Variants in RBFOX1 observed in about 807,000 individuals in gnomAD.
The protein encoded by RBFOX1 is RNA binding protein fox-1 homolog 1.
RBFOX1 carries 8 observed loss-of-function variants against 57.7 expected under a neutral mutation model. The observed-to-expected ratio is 0.14, with a 90% CI of 0.08 to 0.25. RBFOX1 has a LOEUF of 0.25. Ranked by LOEUF, RBFOX1 falls within the 10% of genes least tolerant of loss-of-function variation. The pLI, the probability that RBFOX1 is intolerant of heterozygous loss-of-function variation, is 1.00. For missense variants in RBFOX1, 611 were observed against 548.5 expected (o/e 1.11, Z -1.14); for synonymous variants, 326 against 222.4 (o/e 1.47, Z -4.15).
chr16:7,442,119 G>T (rs966676164), intron 4 of RBFOX1, among the ~76,000 whole-genome samples: 6 of 152,164 alleles, frequency 3.9e-5, no homozygotes, highest in African/African-American at 1.4e-4. Flanking sequence ...GTGCCCAGGG[G>T]TCTGAGTGCT....
At position 5,454,944 on chromosome 16, in the gene RBFOX1, TTCCTTC is replaced by T. The variant is rs1567535729; in HGVS notation, c.220-12271_220-12266del. On this transcript the variant is annotated intron_variant, in intron 1 of 2. Transcript: ENST00000585867. ...GTTTCTTTCTTCCTTCCTTCCTTCCTTCCTTCCTTCCTTCCTTTCTTTCTTTCTTTC... is the reference window on the plus strand; with the variant it reads ...GTTTCTTTCTTCCTTCCTTCCTTCCTCTTCCTTCCTTTCTTTCTTTCTTTC... Among the ~76,000 whole-genome samples, 215 of 52,552 alleles carry T rather than the reference TTCCTTC, an allele frequency of 4.1e-3. 1 individual carries two copies. Among genetic ancestry groups the T allele is most frequent in the Middle Eastern group, 8.2e-3 (1 of 122 alleles). 34.5% of individuals were successfully genotyped at this position (52,552 alleles called of 152,430 possible).
chr16:5,248,394 G>A (rs1435885678), intron 1 of RBFOX1, among the ~76,000 whole-genome samples: 5 of 152,208 alleles, frequency 3.3e-5, no homozygotes, highest in Admixed American at 2.6e-4. Flanking sequence ...CAGTCCTCCT[G>A]ACTGCCAGCC....
At chr16:6,493,212 G>A (rs1467648739) in intron 2 of RBFOX1, among the ~76,000 whole-genome samples, 5 of 152,184 alleles carry the variant, frequency 3.3e-5, no homozygotes, top group Admixed American at 6.5e-5. Context: ...TTGAGCCTTA[G>A]AAAAGATAAA....
At chr16:6,179,416 G>A (rs575569724) in intron 1 of RBFOX1, among the ~76,000 whole-genome samples, 10 of 152,224 alleles carry the variant, frequency 6.6e-5, no homozygotes, top group East Asian at 3.9e-4. Flanking sequence ...AATTCTGATC[G>A]TAGAAAAACT....
chr16:5,870,373 CAA>C (rs59398844), intron 4 of RBFOX1, among the ~76,000 whole-genome samples: 4,091 of 91,074 alleles, frequency 0.045, 66 homozygotes, highest in Non-Finnish European at 0.056. Flanking sequence ...ATTTGTATGG[CAA>C]AAAAAAAAAA....
At chr16:7,039,434 G>A (rs1053674175) in intron 3 of RBFOX1, among the ~76,000 whole-genome samples, 2 of 152,132 alleles carry the variant, frequency 1.3e-5, no homozygotes, top group African/African-American at 2.4e-5. Context: ...TTTCTCAAGT[G>A]TATTTTGTTC....
chr16:7,189,368 G>C (rs570861793), intron 4 of RBFOX1, among the ~76,000 whole-genome samples: 1 of 145,758 alleles, frequency 6.9e-6, no homozygotes, highest in East Asian at 2.2e-4. Flanking sequence ...GGAGCTTGCA[G>C]TGAGCTGAGA....
intron 1 of RBFOX1, among the ~76,000 whole-genome samples, chr16:5,409,039 A>T (rs55806473): frequency 0.3 from 45,145 of 151,880 alleles, 6,697 homozygotes; most frequent in South Asian, 0.31. Context: ...TGGCTATCTC[A>T]CGCTGTTGGA....
chr16:7,160,836 T>TTCCTCC (rs56757825), intron 4 of RBFOX1, among the ~76,000 whole-genome samples: 3 of 143,926 alleles, frequency 2.1e-5, no homozygotes, highest in Non-Finnish European at 4.6e-5. Flanking sequence ...TCCCTCCTCC[T>TTCCTCC]TCCTCCTCCT....
intron 3 of RBFOX1, among the ~76,000 whole-genome samples, chr16:5,687,658 C>T (rs1169355338): frequency 2.0e-5 from 3 of 152,146 alleles, no homozygotes; most frequent in African/African-American, 7.2e-5. Context: ...CCTAGGGTGA[C>T]CGACCATTCC....
At chr16:6,285,632 T>A (rs1398851627) in intron 1 of RBFOX1, among the ~76,000 whole-genome samples, 1 of 152,178 alleles carries the variant, frequency 6.6e-6, no homozygotes, top group East Asian at 1.9e-4. Context: ...TTTTAGGATG[T>A]AAATGACCAT....
intron 1 of RBFOX1, among the ~76,000 whole-genome samples, chr16:5,375,667 T>C (rs2065966934): frequency 6.6e-6 from 1 of 152,228 alleles, no homozygotes; most frequent in Admixed American, 6.5e-5. Context: ...ACCAACTATG[T>C]GCCAGGCACT....
chr16:6,197,033 C>T (rs959162317), intron 1 of RBFOX1, among the ~76,000 whole-genome samples: 3 of 152,078 alleles, frequency 2.0e-5, no homozygotes, highest in Non-Finnish European at 4.4e-5. Context: ...TAATTGCTGT[C>T]CTCAGATATA....
chr16:7,298,967 T>C (rs2095965410), intron 4 of RBFOX1, among the ~76,000 whole-genome samples: 1 of 152,228 alleles, frequency 6.6e-6, no homozygotes, highest in African/African-American at 2.4e-5. Context: ...GAGTCAACTG[T>C]ATTTGCTTTT....
At chr16:5,622,707 A>G (rs1444629791) in intron 3 of RBFOX1, among the ~76,000 whole-genome samples, 1 of 152,340 alleles carries the variant, frequency 6.6e-6, no homozygotes, top group Non-Finnish European at 1.5e-5. Flanking sequence ...TCCTGCTACA[A>G]TATCAGAGCT....
At chr16:7,506,955 AG>A (rs2073531137) in intron 4 of RBFOX1, among the ~76,000 whole-genome samples, 2 of 152,232 alleles carry the variant, frequency 1.3e-5, no homozygotes, top group Non-Finnish European at 2.9e-5. Flanking sequence ...ATGTGCATAC[AG>A]GACTTTCTAG....
At chr16:6,106,760 C>G (rs542861320) in intron 1 of RBFOX1, among the ~76,000 whole-genome samples, 2 of 152,082 alleles carry the variant, frequency 1.3e-5, no homozygotes, top group Admixed American at 1.3e-4. Flanking sequence ...CTCTGCCTCC[C>G]GGGTTCATGC....
At chr16:5,944,987 A>AAAAAAAAAAG (rs1555453186) in intron 4 of RBFOX1, among the ~76,000 whole-genome samples, 1 of 97,000 alleles carries the variant, frequency 1.0e-5, no homozygotes, top group Non-Finnish European at 2.2e-5. Context: ...AAAAAAAAAA[A>AAAAAAAAAAG]AGAGAGAGAG....
At chr16:6,480,539 C>G (rs1215094479) in intron 2 of RBFOX1, among the ~76,000 whole-genome samples, 1 of 152,178 alleles carries the variant, frequency 6.6e-6, no homozygotes, top group Non-Finnish European at 1.5e-5. Flanking sequence ...AGTATCAAAA[C>G]CATTTTTAAC....
Sources: gnomAD v4.1 joint callset for allele counts (sites outside exome capture counted in the v4.1 genomes callset) on GRCh38, gnomAD v4.1.1 for gene constraint, MANE v1.5 for transcripts, NCBI Gene and HGNC (gene_info 2026-07-23, HGNC 2026-07-21) for gene names.